Variants in TDO2 observed in about 807,000 individuals in gnomAD.
The protein encoded by TDO2 is tryptophan 2,3-dioxygenase, also known as tryptamin 2,3-dioxygenase.
TDO2 carries 63 observed loss-of-function variants against 61.2 expected under a neutral mutation model. The observed-to-expected ratio is 1.03, with a 90% CI of 0.84 to 1.27. The LOEUF (loss-of-function observed/expected upper bound fraction) is 1.27, where lower values mean the gene tolerates loss of function less well. Among genes scored for constraint, TDO2 ranks in the 50% most tolerant of loss-of-function variants. The pLI is 0.00. For missense variants in TDO2, 494 were observed against 469.5 expected (o/e 1.05, Z -0.48); for synonymous variants, 183 against 164.0 (o/e 1.12, Z -0.89).
At chr4:155,917,641 C>A (rs1742967774) in intron 10 of TDO2, among the ~76,000 whole-genome samples, 167 bp downstream of exon 10, 1 of 152,016 alleles carries the variant, frequency 6.6e-6, no homozygotes, top group African/African-American at 2.4e-5. Flanking sequence ...CTCCCAGGGC[C>A]AACTTATTCA....
At chr4:155,912,919 A>T (rs1211255270) in intron 7 of TDO2, among the ~76,000 whole-genome samples, 2 of 152,112 alleles carry the variant, frequency 1.3e-5, no homozygotes, top group Non-Finnish European at 2.9e-5. Context: ...TTTTTCTCCT[A>T]TAATCCATCT....
rs747911169 is a variant in TDO2 at position 155,918,163 on chromosome 4, A to G, written c.991A>G (p.Met331Val). The G allele has an allele frequency of 4.3e-6, 7 of 1,613,946 alleles. No homozygotes were observed. The Admixed American group carries it at 8.3e-5, about 19-fold the overall frequency. The part of the protein sequence containing the change: ...MTKWRYNHVC[M>V]VHRMLGSKAG... ...TGTTTGCCTAGATAACCATGTGTGC[A>G]TGGTGCACAGAATGCTGGGCAGCAA... The change falls in exon 11 of 12, where the codon ATG becomes GTG. Residue 331 changes from methionine (M) to valine (V), a missense_variant. Coordinates refer to ENST00000536354, the MANE Select transcript of TDO2 (RefSeq NM_005651.4).
chr4:155,920,263 G>T lies in TDO2; in HGVS notation c.*273G>T. 2.6e-6 allele frequency: 1 copy of T among 382,918 alleles called. No homozygotes were observed. The highest frequency in any genetic ancestry group is 4.7e-6 in the Non-Finnish European group (1 of 214,536). 23.7% of individuals were successfully genotyped at this position (382,918 alleles called of 1,614,324 possible). A position where few individuals can be genotyped will look rare whatever the true frequency, so the allele number is the denominator to read the frequency against. ...CTGAGACTTAATGTAACCACTTAATGTAATCACTATCTCATTGTTTCATCT... is the reference window on the plus strand; with the variant it reads ...CTGAGACTTAATGTAACCACTTAATTTAATCACTATCTCATTGTTTCATCT... On this transcript the variant is annotated 3_prime_UTR_variant, in exon 12 of 12. Transcript: ENST00000536354.
At chr4:155,903,962 A>T (rs979067585) in intron 1 of TDO2, 56 bp from the exon 2 acceptor site, 16 of 1,516,976 alleles carry the variant, frequency 1.1e-5, no homozygotes, top group Non-Finnish European at 1.5e-5. Flanking sequence ...CCATATCATT[A>T]GTTAACTGTG....
rs554356668 is a variant in TDO2 at position 155,907,685 on chromosome 4, C to G, written c.233-37C>G. On this transcript the variant is annotated intron_variant, in intron 3 of 11. Transcript: ENST00000536354. ...ATATAATAATGGCCAAAAAGGCTCCCATAACTTTCCAACTGACAATGATTT... is the reference window on the plus strand; with the variant it reads ...ATATAATAATGGCCAAAAAGGCTCCGATAACTTTCCAACTGACAATGATTT... The G allele has an allele frequency of 6.0e-5, 89 of 1,486,314 alleles. 1 individual carries two copies. The South Asian group carries it at 1.0e-3, about 17-fold the overall frequency. 92.1% of individuals were successfully genotyped at this position (1,486,314 alleles called of 1,614,324 possible).
At chr4:155,917,911 G>T (rs574292872) in intron 10 of TDO2, among the ~76,000 whole-genome samples, 4 of 151,988 alleles carry the variant, frequency 2.6e-5, no homozygotes, top group Non-Finnish European at 5.9e-5. Context: ...CTCTTCTATT[G>T]TATCCATGGG....
chr4:155,916,095 G>A (rs1380032071), intron 9 of TDO2, among the ~76,000 whole-genome samples, 183 bp downstream of exon 9: 2 of 148,292 alleles, frequency 1.3e-5, no homozygotes, highest in Non-Finnish European at 1.5e-5. Context: ...CTTTTAAATA[G>A]TAAAGGCATA....
intron 4 of TDO2, 56 bp from the exon 5 acceptor site, chr4:155,908,831 T>C (rs1449693623): frequency 2.0e-6 from 3 of 1,520,086 alleles, no homozygotes; most frequent in Admixed American, 2.2e-5. Flanking sequence ...ATTGTCTATT[T>C]TGTATTTTCT....
At position 155,920,030 on chromosome 4, in the gene TDO2, C is replaced by A; in HGVS notation, c.*40C>A. The A allele has an allele frequency of 1.3e-6, 2 of 1,584,942 alleles. No homozygotes were observed. Among genetic ancestry groups the A allele is most frequent in the East Asian group, 2.2e-5 (1 of 44,498 alleles). On this transcript the variant is annotated 3_prime_UTR_variant, in exon 12 of 12. Coordinates refer to ENST00000536354, the MANE Select transcript of TDO2 (RefSeq NM_005651.4). The stretch of plus-strand genomic sequence containing the variant: ...TCTATGAAGAATACTGGTTTCACAG[C>A]CTATTTTTTATTTTCTATGGATTTT...
At chr4:155,910,911 A>G (rs1742816898) in intron 6 of TDO2, among the ~76,000 whole-genome samples, 1 of 152,104 alleles carries the variant, frequency 6.6e-6, no homozygotes, top group South Asian at 2.1e-4. Context: ...TTACAAAGCT[A>G]ATTTCAGAAT....
intron 11 of TDO2, 113 bp from the exon 12 acceptor site, chr4:155,919,724 T>A (rs1393510271): frequency 1.2e-6 from 1 of 842,516 alleles, no homozygotes; most frequent in South Asian, 2.0e-5. Flanking sequence ...GCAATATATA[T>A]TATAATATTG....
intron 4 of TDO2, 37 bp downstream of exon 4, chr4:155,907,829 T>G (rs781408857): frequency 1.3e-6 from 2 of 1,514,930 alleles, no homozygotes; most frequent in Non-Finnish European, 1.8e-6. Flanking sequence ...TTCATGTATA[T>G]TTTTGGAAGA....
At position 155,903,803 on chromosome 4, in the gene TDO2, T is replaced by C; in HGVS notation, c.35+10T>C. 1 of 1,614,176 alleles carries C rather than the reference T, an allele frequency of 6.2e-7. No individual in the cohort carries two copies. Among genetic ancestry groups the C allele is most frequent in the Non-Finnish European group, 8.5e-7 (1 of 1,180,024 alleles). Reference sequence around the variant, plus strand: ...TAGGAAACAACTTTGGGTGAGTATTTACCTTTATTCTAAGTGGGTTTTGGC... The same window carrying C: ...TAGGAAACAACTTTGGGTGAGTATTCACCTTTATTCTAAGTGGGTTTTGGC... On this transcript the variant is annotated intron_variant, in intron 1 of 11. Coordinates refer to ENST00000536354, the MANE Select transcript of TDO2 (RefSeq NM_005651.4).
At chr4:155,917,175 G>T (rs1742955879) in intron 9 of TDO2, among the ~76,000 whole-genome samples, 1 of 152,078 alleles carries the variant, frequency 6.6e-6, no homozygotes, top group Non-Finnish European at 1.5e-5. Flanking sequence ...ATATTACATG[G>T]ACTTTTCTAG....
At chr4:155,911,668 A>T in intron 7 of TDO2, 64 bp downstream of exon 7, 3 of 1,186,214 alleles carry the variant, frequency 2.5e-6, no homozygotes, top group South Asian at 1.9e-5. Context: ...TATTTTAATT[A>T]TTTTTTGCTT....
In TDO2 at chr4:155,905,115, A is replaced by G; in HGVS notation, c.190A>G (p.Asn64Asp). ...AQELQSETKGNKIHDEHLFII... is the reference protein window; with the variant it reads ...AQELQSETKGDKIHDEHLFII... The stretch of plus-strand genomic sequence containing the variant: ...AGAACTGCAAAGTGAAACAAAAGGA[A>G]ATAAAATCCATGATGAACATCTTTT... The change falls in exon 3 of 12, where the codon AAT (asparagine) becomes GAT (aspartate). Residue 64 changes from asparagine (N) to aspartate (D), a missense_variant. Coordinates refer to ENST00000536354, the MANE Select transcript of TDO2 (RefSeq NM_005651.4). The G allele has an allele frequency of 6.2e-7, 1 of 1,602,446 alleles. No homozygotes were observed. The highest frequency in any genetic ancestry group is 8.5e-7 in the Non-Finnish European group (1 of 1,175,088).
At chr4:155,911,192 G>C (rs867591758) in intron 6 of TDO2, among the ~76,000 whole-genome samples, 1 of 151,750 alleles carries the variant, frequency 6.6e-6, no homozygotes, top group Non-Finnish European at 1.5e-5. Context: ...TGTTTAGATA[G>C]AACATATGTT....
chr4:155,908,697 A>G (rs1742763679), intron 4 of TDO2, among the ~76,000 whole-genome samples, 190 bp from the exon 5 acceptor site: 1 of 152,188 alleles, frequency 6.6e-6, no homozygotes, highest in South Asian at 2.1e-4. Flanking sequence ...GAAAGAAAAA[A>G]TTTCTTATTT....
At chr4:155,918,468 A>G (rs1251358968) in intron 11 of TDO2, among the ~76,000 whole-genome samples, 1 of 152,234 alleles carries the variant, frequency 6.6e-6, no homozygotes, top group Non-Finnish European at 1.5e-5. Context: ...TATGGTATCA[A>G]TGGCTGCATG....
Sources: gnomAD v4.1 joint callset for allele counts (sites outside exome capture counted in the v4.1 genomes callset) on GRCh38, gnomAD v4.1.1 for gene constraint, MANE v1.5 for transcripts, NCBI Gene and HGNC (gene_info 2026-07-23, HGNC 2026-07-21) for gene names.